Variants in UBE4B observed in about 807,000 individuals in gnomAD.
UBE4B encodes ubiquitin conjugation factor E4 B.
A neutral mutation model predicts 148.1 loss-of-function variants in UBE4B; 27 were observed. That is an observed-to-expected ratio of 0.18 (90% CI 0.13 to 0.25). UBE4B has a LOEUF of 0.25. UBE4B is among the 10% of genes least tolerant of loss of function. UBE4B has a pLI of 1.00. For missense variants in UBE4B, 1,170 were observed against 1,662.4 expected (o/e 0.70, Z 5.15); for synonymous variants, 596 against 619.3 (o/e 0.96, Z 0.56).
chr1:10,119,706 A>G, intron 9 of UBE4B, 93 bp downstream of exon 9: 3 of 1,077,762 alleles, frequency 2.8e-6, no homozygotes, highest in Non-Finnish European at 4.2e-6. Flanking sequence ...GCACCACCTT[A>G]GATAACTCCC....
At chr1:10,149,122 T>G in intron 19 of UBE4B, 62 bp from the exon 20 acceptor site, 3 of 1,186,890 alleles carry the variant, frequency 2.5e-6, no homozygotes, top group Non-Finnish European at 3.6e-6. Context: ...AATGTAATAC[T>G]CCTTGTAGTT....
intron 3 of UBE4B, among the ~76,000 whole-genome samples, chr1:10,100,077 C>T (rs929030052): frequency 6.6e-6 from 1 of 151,888 alleles, no homozygotes; most frequent in Non-Finnish European, 1.5e-5. Context: ...GCGAGCTCTG[C>T]CTCCCGGGTT....
At chr1:10,044,124 C>T (rs927020322) in intron 1 of UBE4B, among the ~76,000 whole-genome samples, 1 of 151,890 alleles carries the variant, frequency 6.6e-6, no homozygotes, top group Non-Finnish European at 1.5e-5. Context: ...CTGCAACCTC[C>T]ACCTGCCAGG....
chr1:10,152,793 G>A (rs1431462558), intron 21 of UBE4B, among the ~76,000 whole-genome samples: 4 of 151,488 alleles, frequency 2.6e-5, no homozygotes, highest in Non-Finnish European at 5.9e-5. Flanking sequence ...GCAAGACTCC[G>A]TCTCAAAAAA....
chr1:10,054,446 C>A, intron 1 of UBE4B: 1 of 392,072 alleles, frequency 2.6e-6, no homozygotes, highest in Non-Finnish European at 4.9e-6. Context: ...CCTCTTATGC[C>A]ATGAATTCAT....
At chr1:10,094,080 ATTC>A (rs1449036393) in intron 2 of UBE4B, among the ~76,000 whole-genome samples, 2 of 152,140 alleles carry the variant, frequency 1.3e-5, no homozygotes, top group African/African-American at 4.8e-5. Flanking sequence ...CTGGGTAAAC[ATTC>A]TTCTTTTTTC....
chr1:10,053,140 T>G (rs1384740611), intron 1 of UBE4B, among the ~76,000 whole-genome samples: 2 of 151,640 alleles, frequency 1.3e-5, no homozygotes, highest in South Asian at 4.2e-4. Context: ...TGCATGGCTT[T>G]TATTTATTTA....
At chr1:10,085,244 C>T (rs1283997619) in intron 2 of UBE4B, among the ~76,000 whole-genome samples, 1 of 152,204 alleles carries the variant, frequency 6.6e-6, no homozygotes, top group Admixed American at 6.5e-5. Context: ...ATACCCATCC[C>T]CTATCCTTAG....
At chr1:10,147,423 G>A (rs1027764655) in intron 19 of UBE4B, among the ~76,000 whole-genome samples, 1 of 152,120 alleles carries the variant, frequency 6.6e-6, no homozygotes, top group Non-Finnish European at 1.5e-5. Flanking sequence ...AACCCGGGAG[G>A]CGGAGGTTGC....
chr1:10,159,580 G>A (rs1017994175), intron 22 of UBE4B, among the ~76,000 whole-genome samples: 2 of 152,218 alleles, frequency 1.3e-5, no homozygotes, highest in African/African-American at 4.8e-5. Flanking sequence ...AGCTACTCAG[G>A]AGGCTGAGGC....
intron 25 of UBE4B, among the ~76,000 whole-genome samples, chr1:10,177,593 C>G (rs2102045860): frequency 6.6e-6 from 1 of 152,240 alleles, no homozygotes; most frequent in Middle Eastern, 3.4e-3. Context: ...GAGTTTGAGG[C>G]TGCAGTGAGC....
intron 3 of UBE4B, among the ~76,000 whole-genome samples, chr1:10,098,028 G>A (rs61782904): frequency 0.015 from 2,254 of 151,922 alleles, 36 homozygotes; most frequent in Non-Finnish European, 0.023. Flanking sequence ...GGGCCACCAC[G>A]CATGGCTAAT....
chr1:10,147,319 C>T lies in UBE4B; in HGVS notation c.2591+229C>T, dbSNP rs528104344. Among the ~76,000 whole-genome samples the T allele has an allele frequency of 9.2e-5, 14 of 152,176 alleles. No individual in the cohort carries two copies. In the South Asian group the frequency reaches 2.9e-3, roughly 32 times the overall value. On this transcript the variant is annotated intron_variant, in intron 19 of 27. Coordinates refer to ENST00000343090, the MANE Select transcript of UBE4B (RefSeq NM_001105562.3). ...ACCAGCCTGGCCAACATGGCGAAAC[C>T]GTGTCTCTACTAAAAATACAAAAAT...
At chr1:10,067,786 G>A (rs1328513207) in intron 1 of UBE4B, among the ~76,000 whole-genome samples, 3 of 152,042 alleles carry the variant, frequency 2.0e-5, no homozygotes, top group Admixed American at 2.0e-4. Flanking sequence ...GGAGTGCAAT[G>A]GCGTGATCTC....
Position 10,057,905 on chromosome 1 carries a change from G to A in UBE4B, c.25-14123G>A, listed in dbSNP as rs548705272. Among the ~76,000 whole-genome samples, 31 of 152,300 alleles carry A rather than the reference G, an allele frequency of 2.0e-4. No individual in the cohort carries two copies. The South Asian group carries it at 6.2e-3, about 31-fold the overall frequency. ...CTGCATTCCGGTGGCAGGGAAGCAA[G>A]CATGGGAGGCAGTGGAGGGTATGTA... On this transcript the variant is annotated intron_variant, in intron 1 of 27. Coordinates refer to ENST00000343090, the MANE Select transcript of UBE4B (RefSeq NM_001105562.3).
At chr1:10,103,162 T>C in intron 5 of UBE4B, 70 bp downstream of exon 5, 1 of 1,457,134 alleles carries the variant, frequency 6.9e-7, no homozygotes. Context: ...ATCTTTGCCC[T>C]CTGTTATCCA....
intron 12 of UBE4B, among the ~76,000 whole-genome samples, chr1:10,130,215 C>T (rs528105909): frequency 2.6e-5 from 4 of 152,144 alleles, no homozygotes; most frequent in African/African-American, 7.2e-5. Flanking sequence ...GCTGGGATTA[C>T]AGGCGCACAC....
chr1:10,161,277 G>T lies in UBE4B; in HGVS notation c.3189G>T (p.Gln1063His), dbSNP rs771093729. The T allele has an allele frequency of 4.0e-5, 64 of 1,613,926 alleles. No individual in the cohort carries two copies. The South Asian group carries it at 6.9e-4, about 17-fold the overall frequency. The change falls in exon 23 of 28, where the codon CAG (glutamine) becomes CAT (histidine). Residue 1063 changes from glutamine (Q) to histidine (H), a missense_variant. Around this residue, in one of 6 missense-constraint regions of UBE4B, gnomAD observed 348 missense variants for 627.2 expected, o/e 0.55. Coordinates refer to ENST00000343090, the MANE Select transcript of UBE4B (RefSeq NM_001105562.3). This position sits in a 1 kb window ranked among gnomAD's most constrained non-coding sequence, Gnocchi z 4.1. ...TGAAGAACAAAGAACAGTGGGACCA[G>T]TTGCCCCGGGTGAGGACGTGGTCCA... ...EEMKNKEQWD[Q>H]LPRDQQQARQ...
chr1:10,065,707 C>T (rs11121515), intron 1 of UBE4B, among the ~76,000 whole-genome samples: 19,467 of 151,984 alleles, frequency 0.13, 1,897 homozygotes, highest in African/African-American at 0.28. Context: ...TGTTTTCCCA[C>T]GGTAGATGTA....
Sources: gnomAD v4.1 joint callset for allele counts (sites outside exome capture counted in the v4.1 genomes callset) on GRCh38, gnomAD v4.1.1 for gene constraint, gnomAD v4.1.1 regional missense constraint, Gnocchi (gnomAD v3.1) non-coding constraint, MANE v1.5 for transcripts, NCBI Gene and HGNC (gene_info 2026-07-23, HGNC 2026-07-21) for gene names.